Variants in NRG3 observed in about 807,000 individuals in gnomAD.
The protein encoded by NRG3 is pro-neuregulin-3, membrane-bound isoform.
NRG3 carries 31 observed loss-of-function variants against 66.9 expected under a neutral mutation model. That is an observed-to-expected ratio of 0.46 (90% CI 0.35 to 0.63). NRG3 has a LOEUF of 0.63. Among genes scored for constraint, NRG3 ranks in the 20% least tolerant of loss-of-function variants. The pLI, the probability that NRG3 is intolerant of heterozygous loss-of-function variation, is 0.00. For synonymous variants in NRG3, 393 were observed against 359.4 expected, an observed-to-expected ratio of 1.09 and a Z score of -1.06; for missense variants, 910 against 878.9, an observed-to-expected ratio of 1.04 and a Z score of -0.45.
chr10:82,038,568 G>A (rs963795438), intron 1 of NRG3, among the ~76,000 whole-genome samples: 3 of 152,094 alleles, frequency 2.0e-5, no homozygotes, highest in African/African-American at 7.2e-5. Context: ...TTTCTTCAAA[G>A]AGCCATTCAA....
intron 3 of NRG3, among the ~76,000 whole-genome samples, chr10:82,758,693 T>C (rs902289717): frequency 6.6e-6 from 1 of 152,020 alleles, no homozygotes; most frequent in African/African-American, 2.4e-5. Flanking sequence ...CTCCATTTTC[T>C]GCCCCCTAAA....
At chr10:82,485,023 C>A (rs1232172624) in intron 2 of NRG3, among the ~76,000 whole-genome samples, 1 of 152,060 alleles carries the variant, frequency 6.6e-6, no homozygotes, top group Non-Finnish European at 1.5e-5. Context: ...AAAAATGATA[C>A]CATGGGAAGG....
intron 2 of NRG3, among the ~76,000 whole-genome samples, chr10:82,664,753 G>A (rs747210067): frequency 7.2e-5 from 11 of 151,918 alleles, no homozygotes; most frequent in Non-Finnish European, 1.3e-4. Context: ...CTCTGGGGTC[G>A]CTGTCATCCG....
chr10:82,688,706 A>G (rs1279418045), intron 2 of NRG3, among the ~76,000 whole-genome samples: 2 of 152,040 alleles, frequency 1.3e-5, no homozygotes, highest in Non-Finnish European at 2.9e-5. Context: ...ATTAGGTAGC[A>G]GTTTTATAAA....
intron 1 of NRG3, among the ~76,000 whole-genome samples, chr10:82,284,037 A>G (rs992501801): frequency 7.2e-5 from 11 of 152,236 alleles, no homozygotes; most frequent in African/African-American, 2.7e-4. Flanking sequence ...ATATACTTTT[A>G]TAATGAGTTG....
At chr10:82,067,980 C>G (rs752419211) in intron 1 of NRG3, among the ~76,000 whole-genome samples, 2 of 152,166 alleles carry the variant, frequency 1.3e-5, no homozygotes, top group Admixed American at 6.5e-5. Flanking sequence ...GCATATTCCT[C>G]TTTTTCCTTC....
intron 1 of NRG3, among the ~76,000 whole-genome samples, chr10:82,080,965 A>T (rs2065361026): frequency 6.6e-6 from 1 of 152,166 alleles, no homozygotes; most frequent in Non-Finnish European, 1.5e-5. Flanking sequence ...TCTATGAATT[A>T]GGATGCTTTG....
intron 2 of NRG3, among the ~76,000 whole-genome samples, chr10:82,378,971 T>A (rs1480598346): frequency 4.6e-5 from 7 of 152,104 alleles, no homozygotes; most frequent in African/African-American, 1.7e-4. Context: ...CACTAGAAGA[T>A]CTGAGTAGTA....
intron 1 of NRG3, among the ~76,000 whole-genome samples, chr10:82,118,693 T>C (rs1200199257): frequency 1.3e-5 from 2 of 152,134 alleles, no homozygotes; most frequent in African/African-American, 2.4e-5. Context: ...TGAGGGGGGA[T>C]AATGTGTATT....
intron 1 of NRG3, among the ~76,000 whole-genome samples, chr10:82,130,906 G>A (rs2068777314): frequency 6.6e-6 from 1 of 151,880 alleles, no homozygotes; most frequent in Non-Finnish European, 1.5e-5. Context: ...TTTTTCCTAT[G>A]GAGTTGTTTG....
intron 2 of NRG3, among the ~76,000 whole-genome samples, chr10:82,426,764 G>T (rs1284492283): frequency 6.6e-6 from 1 of 151,732 alleles, no homozygotes; most frequent in East Asian, 1.9e-4. Flanking sequence ...CTCCTGAATA[G>T]CTGGGACTAC....
At chr10:82,313,059 T>G (rs2081114420) in intron 1 of NRG3, among the ~76,000 whole-genome samples, 1 of 152,156 alleles carries the variant, frequency 6.6e-6, no homozygotes, top group Non-Finnish European at 1.5e-5. Context: ...ACACCTGTAG[T>G]CCCAGTTACT....
At chr10:82,313,958 A>G in intron 1 of NRG3, among the ~76,000 whole-genome samples, 1 of 152,174 alleles carries the variant, frequency 6.6e-6, no homozygotes, top group East Asian at 1.9e-4. Context: ...GTCTTCTATT[A>G]AAAAAGAAGT....
At chr10:82,691,616 T>C (rs185439680) in intron 2 of NRG3, among the ~76,000 whole-genome samples, 1 of 152,208 alleles carries the variant, frequency 6.6e-6, no homozygotes, top group Admixed American at 6.5e-5. Flanking sequence ...TTTATCTGTG[T>C]GAAGGACAAC....
At chr10:81,881,245 C>T (rs1842156067) in intron 1 of NRG3, among the ~76,000 whole-genome samples, 1 of 149,686 alleles carries the variant, frequency 6.7e-6, no homozygotes, top group Admixed American at 6.7e-5. Flanking sequence ...GGAGTCAATA[C>T]TCATTAAATG....
chr10:82,656,338 A>G (rs1016846148), intron 2 of NRG3, among the ~76,000 whole-genome samples: 2 of 130,486 alleles, frequency 1.5e-5, no homozygotes, highest in African/African-American at 5.9e-5. Flanking sequence ...AGTAACCTCC[A>G]CATGCTGGAA....
At chr10:82,103,190 A>G (rs2132139787) in intron 1 of NRG3, among the ~76,000 whole-genome samples, 1 of 152,300 alleles carries the variant, frequency 6.6e-6, no homozygotes, top group Admixed American at 6.5e-5. Flanking sequence ...GTTTCTGATG[A>G]AAAATTCAGA....
At chr10:82,758,394 T>C (rs2059165160) in intron 3 of NRG3, among the ~76,000 whole-genome samples, 1 of 152,048 alleles carries the variant, frequency 6.6e-6, no homozygotes, top group Non-Finnish European at 1.5e-5. Flanking sequence ...TTTTTATGAG[T>C]AATAAAGTAT....
At chr10:82,095,959 G>A (rs1182114391) in intron 1 of NRG3, among the ~76,000 whole-genome samples, 1 of 152,102 alleles carries the variant, frequency 6.6e-6, no homozygotes, top group African/African-American at 2.4e-5. Context: ...AGTCTCATAT[G>A]CAAATAAGTA....
Sources: gnomAD v4.1 joint callset for allele counts (sites outside exome capture counted in the v4.1 genomes callset) on GRCh38, gnomAD v4.1.1 for gene constraint, MANE v1.5 for transcripts, NCBI Gene and HGNC (gene_info 2026-07-23, HGNC 2026-07-21) for gene names.